The following CNTN3 variants were observed in gnomAD, a reference collection of about 807,000 sequenced individuals.
The protein encoded by CNTN3 is contactin 3.
In CNTN3, 60 loss-of-function variants were observed where a neutral mutation model predicts 119.1. That is an observed-to-expected ratio of 0.50 (90% CI 0.41 to 0.62). The LOEUF (loss-of-function observed/expected upper bound fraction) is 0.62. Among genes scored for constraint, CNTN3 ranks in the 20% least tolerant of loss-of-function variants. The pLI, the probability that CNTN3 is intolerant of heterozygous loss-of-function variation, is 0.00. For missense variants in CNTN3, 1,101 were observed against 1,242.4 expected (o/e 0.89, Z 1.71); for synonymous variants, 450 against 438.7 (o/e 1.03, Z -0.32).
chr3:74,299,583 G>C (rs1342012970), intron 17 of CNTN3, among the ~76,000 whole-genome samples: 2 of 152,148 alleles, frequency 1.3e-5, no homozygotes, highest in African/African-American at 4.8e-5. Context: ...GTAAATTGTT[G>C]CAAGGATGAC....
At chr3:74,442,146 T>TAC (rs567314995) in intron 4 of CNTN3, among the ~76,000 whole-genome samples, 6,938 of 123,726 alleles carry the variant, frequency 0.056, 234 homozygotes, top group East Asian at 0.12. Context: ...TGCATGCAAG[T>TAC]ACACACACAC....
chr3:74,505,447 CGTGTGTGT>C lies in CNTN3; in HGVS notation c.56-5670_56-5663del, dbSNP rs140722806. ...GGACACCATGAGGGAGAACACTATA[CGTGTGTGT>C]GTGTGTGTGTGTGTGTATAAAATAT... On this transcript the variant is annotated intron_variant, in intron 2 of 22. Coordinates refer to ENST00000263665, the MANE Select transcript of CNTN3 (RefSeq NM_020872.3). 1.0e-4 allele frequency among the ~76,000 whole-genome samples: 15 copies of C among 148,924 alleles called. No individual in the cohort carries two copies. In the East Asian group the frequency reaches 1.0e-3, roughly 10 times the overall value.
chr3:74,505,750 A>G (rs1010813762), intron 2 of CNTN3, among the ~76,000 whole-genome samples: 1 of 152,200 alleles, frequency 6.6e-6, no homozygotes, highest in African/African-American at 2.4e-5. Context: ...TAAAATACTT[A>G]TTAGGAATAA....
At chr3:74,571,261 G>T (rs959447404) in intron 1 of CNTN3, among the ~76,000 whole-genome samples, 1 of 152,050 alleles carries the variant, frequency 6.6e-6, no homozygotes, top group Non-Finnish European at 1.5e-5. Context: ...TAGCAGCAGC[G>T]GCATCCACAG....
At chr3:74,420,555 T>C (rs1277409275) in intron 5 of CNTN3, among the ~76,000 whole-genome samples, 2 of 152,240 alleles carry the variant, frequency 1.3e-5, no homozygotes, top group African/African-American at 4.8e-5. Flanking sequence ...TTTCTGCTAA[T>C]GTGATTTTAA....
chr3:74,481,933 G>A (rs1434329311), intron 4 of CNTN3, among the ~76,000 whole-genome samples: 1 of 151,466 alleles, frequency 6.6e-6, no homozygotes, highest in Non-Finnish European at 1.5e-5. Context: ...TAGTATATTA[G>A]AAAACATAAA....
rs79576447 is a variant in CNTN3, at chr3:74,399,912, C to T, written c.454+24933G>A. Among the ~76,000 whole-genome samples the T allele has an allele frequency of 7.9e-5, 12 of 152,248 alleles. No homozygotes were observed. In the East Asian group the frequency reaches 1.4e-3, roughly 17 times the overall value. ...GTGTTTCTATTATATGTCTCTTGCG[C>T]TTCCTAGACTATGAGCAACATGAAG... On this transcript the variant is annotated intron_variant, in intron 5 of 22. Transcript: ENST00000263665.
At chr3:74,344,396 GGTTTTTTTTTTTTTTTTTTTTTTTTT>G (rs1218820934) in intron 11 of CNTN3, among the ~76,000 whole-genome samples, 1,648 of 87,816 alleles carry the variant, frequency 0.019, 342 homozygotes, top group Middle Eastern at 0.054. Context: ...CTTACACAGT[GGTTTTTTTTTTTTTTTTTTTTTTTTT>G]TTTTTTTTTT....
chr3:74,306,823 A>G (rs1202821290), intron 13 of CNTN3, among the ~76,000 whole-genome samples: 1 of 152,194 alleles, frequency 6.6e-6, no homozygotes, highest in Non-Finnish European at 1.5e-5. Context: ...CTGTTTATAA[A>G]GTAACTATTC....
intron 1 of CNTN3, among the ~76,000 whole-genome samples, chr3:74,587,791 TCTC>T (rs1704621271): frequency 6.6e-6 from 1 of 152,118 alleles, no homozygotes; most frequent in Admixed American, 6.6e-5. Flanking sequence ...CTTATTTCCT[TCTC>T]CTGCCTAATT....
chr3:74,284,007 T>C (rs1394125121), intron 20 of CNTN3, among the ~76,000 whole-genome samples: 1 of 152,148 alleles, frequency 6.6e-6, no homozygotes, highest in African/African-American at 2.4e-5. Flanking sequence ...TGCTCTGCAA[T>C]GCTCATTGTA....
chr3:74,297,912 T>A (rs1198504911), intron 18 of CNTN3, 45 bp downstream of exon 18: 1 of 1,432,780 alleles, frequency 7.0e-7, no homozygotes, highest in African/African-American at 1.6e-5. Flanking sequence ...GGAGCACAAA[T>A]AATTATTATT....
intron 5 of CNTN3, among the ~76,000 whole-genome samples, chr3:74,419,066 G>A (rs1330432494): frequency 1.3e-5 from 2 of 151,998 alleles, no homozygotes; most frequent in East Asian, 1.9e-4. Flanking sequence ...CAAAGTGCTA[G>A]GATTACAGGC....
chr3:74,366,687 G>GA (rs1704196091), intron 8 of CNTN3, among the ~76,000 whole-genome samples: 3 of 149,680 alleles, frequency 2.0e-5, no homozygotes, highest in South Asian at 4.2e-4. Flanking sequence ...AAATGAAACT[G>GA]AAAAGAAACT....
At chr3:74,523,785 C>T (rs1703576925) in intron 1 of CNTN3, among the ~76,000 whole-genome samples, 1 of 151,706 alleles carries the variant, frequency 6.6e-6, no homozygotes, top group South Asian at 2.1e-4. Context: ...TGGTCTGCAT[C>T]CTAATATTGT....
rs143806818 is a variant in CNTN3, at chr3:74,560,718, T to C, written c.-80-39526A>G. Among the ~76,000 whole-genome samples the C allele has an allele frequency of 4.9e-4, 75 of 152,172 alleles. 2 individuals are homozygous for C. The highest frequency in any genetic ancestry group is 6.8e-3 in the Middle Eastern group (2 of 294). ...TAAATCATACTGCTATAAAGACACA[T>C]GCACACATATGTTTATTGTGGCACT... is the stretch of plus-strand genomic sequence containing the variant. On this transcript the variant is annotated intron_variant, in intron 1 of 22. Transcript: ENST00000263665.
chr3:74,344,738 C>T (rs769830406), intron 11 of CNTN3, among the ~76,000 whole-genome samples: 32 of 152,088 alleles, frequency 2.1e-4, no homozygotes, highest in Non-Finnish European at 4.4e-4. Context: ...GGATTACAGG[C>T]GTTGAGACAC....
At chr3:74,601,704 T>C (rs1008513522) in intron 1 of CNTN3, among the ~76,000 whole-genome samples, 3 of 152,128 alleles carry the variant, frequency 2.0e-5, no homozygotes, top group Admixed American at 1.3e-4. Context: ...TTCCTCCCAC[T>C]AATGAGGCAG....
In CNTN3 at chr3:74,276,687, A is replaced by G. The variant is rs536658570; in HGVS notation, c.2704+8618T>C. Among the ~76,000 whole-genome samples, 236 of 152,236 alleles carry G rather than the reference A, an allele frequency of 1.6e-3. 1 individual carries two copies. The highest frequency in any genetic ancestry group is 3.4e-3 in the Middle Eastern group (1 of 294). ...AAACCGACATAAAAAAGACTTAAAG[A>G]GCACAAACTGACAATCTAAGGTCAC... is the stretch of plus-strand genomic sequence containing the variant. On this transcript the variant is annotated intron_variant, in intron 20 of 22. Coordinates refer to ENST00000263665, the MANE Select transcript of CNTN3 (RefSeq NM_020872.3).
Sources: gnomAD v4.1 joint callset for allele counts (sites outside exome capture counted in the v4.1 genomes callset) on GRCh38, gnomAD v4.1.1 for gene constraint, MANE v1.5 for transcripts, NCBI Gene and HGNC (gene_info 2026-07-23, HGNC 2026-07-21) for gene names.